The following GPC5 variants were observed in gnomAD, a reference collection of about 807,000 sequenced individuals.
GPC5 encodes glypican-5.
Under a neutral mutation model 53.9 loss-of-function variants are expected in GPC5, and 47 were observed. The ratio of observed to expected loss-of-function variants is 0.87; its 90% CI spans 0.69 to 1.11. The LOEUF (loss-of-function observed/expected upper bound fraction) is 1.11. GPC5 is among the 50% of genes most tolerant of loss of function. The probability of loss-of-function intolerance (pLI) is 0.00; values close to 1 mark genes in which losing one functional copy is unlikely to be tolerated. For missense variants in GPC5, 748 were observed against 713.1 expected, an observed-to-expected ratio of 1.05 and a Z score of -0.56; for synonymous variants, 286 against 263.3, an observed-to-expected ratio of 1.09 and a Z score of -0.84.
chr13:92,537,012 T>C (rs1881747011), intron 7 of GPC5, among the ~76,000 whole-genome samples: 1 of 152,094 alleles, frequency 6.6e-6, no homozygotes, highest in South Asian at 2.1e-4. Flanking sequence ...AGTTGTTAGC[T>C]CTGAAAAGGT....
chr13:92,465,085 G>A (rs948047189), intron 7 of GPC5, among the ~76,000 whole-genome samples: 1 of 151,924 alleles, frequency 6.6e-6, no homozygotes, highest in African/African-American at 2.4e-5. Context: ...TGCAAAATTA[G>A]TTTTCTCCAA....
At chr13:92,467,922 T>C (rs1878762398) in intron 7 of GPC5, among the ~76,000 whole-genome samples, 3 of 152,100 alleles carry the variant, frequency 2.0e-5, no homozygotes, top group South Asian at 4.1e-4. Flanking sequence ...GATTATGAGA[T>C]ATCCAGTAAA....
chr13:92,031,687 AGT>A (rs2040842890), intron 6 of GPC5, among the ~76,000 whole-genome samples: 1 of 82,884 alleles, frequency 1.2e-5, no homozygotes, highest in African/African-American at 5.1e-5. Context: ...ATATATATAT[AGT>A]ATATATAATA....
At chr13:92,336,838 T>C (rs904220878) in intron 7 of GPC5, among the ~76,000 whole-genome samples, 1 of 152,196 alleles carries the variant, frequency 6.6e-6, no homozygotes, top group African/African-American at 2.4e-5. Flanking sequence ...CTGAATCTAA[T>C]TTTTAAAAAA....
At chr13:91,966,088 AAGGT>A (rs577672410) in intron 6 of GPC5, among the ~76,000 whole-genome samples, 2 of 152,184 alleles carry the variant, frequency 1.3e-5, no homozygotes, top group South Asian at 2.1e-4. Flanking sequence ...AGACAACTAA[AAGGT>A]AAATTCCTCA....
At chr13:92,454,666 G>A (rs1208455455) in intron 7 of GPC5, among the ~76,000 whole-genome samples, 1 of 152,142 alleles carries the variant, frequency 6.6e-6, no homozygotes, top group East Asian at 1.9e-4. Flanking sequence ...TCTTGACATG[G>A]TATGCATTTG....
At chr13:91,486,521 A>T (rs1325906214) in intron 2 of GPC5, 1 of 152,224 alleles carries the variant, frequency 6.6e-6, no homozygotes, top group Non-Finnish European at 1.5e-5. Context: ...TGTAAGACTA[A>T]CTTTGATACC....
At position 92,760,069 on chromosome 13, in the gene GPC5, G is replaced by C. The variant is rs181614715; in HGVS notation, c.1562-106213G>C. ...TGCATACCAGGATTAAATGCCACTT[G>C]TTTGTAATGGACAATCTTTTTTATT... On this transcript the variant is annotated intron_variant, in intron 7 of 7. Transcript: ENST00000377067. Among the ~76,000 whole-genome samples the C allele has an allele frequency of 2.0e-5, 3 of 152,164 alleles. No individual in the cohort carries two copies. The East Asian group carries it at 5.8e-4, about 29-fold the overall frequency.
chr13:92,679,284 A>T (rs1887043283), intron 7 of GPC5, among the ~76,000 whole-genome samples: 1 of 152,234 alleles, frequency 6.6e-6, no homozygotes, highest in Non-Finnish European at 1.5e-5. Flanking sequence ...GGATTTGACT[A>T]ACCTGTTGTT....
intron 7 of GPC5, among the ~76,000 whole-genome samples, chr13:92,693,514 G>C (rs1887473502): frequency 6.6e-6 from 1 of 152,150 alleles, no homozygotes; most frequent in Non-Finnish European, 1.5e-5. Context: ...CTTTAGAAAA[G>C]AGACTGGTGA....
At chr13:92,381,997 TCTA>T (rs2043752348) in intron 7 of GPC5, among the ~76,000 whole-genome samples, 1 of 148,992 alleles carries the variant, frequency 6.7e-6, no homozygotes, top group African/African-American at 2.5e-5. Context: ...TATCTATCTA[TCTA>T]TCTATATATC....
At chr13:92,319,721 C>T (rs1372664245) in intron 7 of GPC5, among the ~76,000 whole-genome samples, 1 of 152,094 alleles carries the variant, frequency 6.6e-6, no homozygotes, top group Non-Finnish European at 1.5e-5. Flanking sequence ...ACACATTTGT[C>T]TGTTGTTAGG....
Position 92,798,338 on chromosome 13 carries a change from T to A in GPC5, c.1562-67944T>A, listed in dbSNP as rs9561161. Among the ~76,000 whole-genome samples, 3,842 of 152,046 alleles carry A rather than the reference T, an allele frequency of 0.025. 383 individuals are homozygous for A. The East Asian group carries it at 0.32, about 13-fold the overall frequency. ...CAATGGTGTAAAGGGCAGTTACACT[T>A]ACTGCTGTGTTCATAATCGATACTA... On this transcript the variant is annotated intron_variant, in intron 7 of 7. Coordinates refer to ENST00000377067, the MANE Select transcript of GPC5 (RefSeq NM_004466.6).
intron 7 of GPC5, among the ~76,000 whole-genome samples, chr13:92,818,281 AT>A (rs1363580575): frequency 2.0e-5 from 3 of 152,012 alleles, no homozygotes; most frequent in African/African-American, 7.3e-5. Context: ...AAGTGCTGGC[AT>A]TACAGGCGTG....
intron 7 of GPC5, among the ~76,000 whole-genome samples, chr13:92,414,192 T>C (rs1304245968): frequency 1.3e-5 from 2 of 152,182 alleles, no homozygotes; most frequent in Non-Finnish European, 2.9e-5. Flanking sequence ...AGCAAACTCC[T>C]TATTTCATAA....
chr13:91,650,750 G>GTTTTGTTTTGTTTTTTTTTTTTTTTTTTT (rs1555333961), intron 2 of GPC5, among the ~76,000 whole-genome samples: 2 of 99,642 alleles, frequency 2.0e-5, no homozygotes, highest in African/African-American at 8.1e-5. Flanking sequence ...ATTCCCATAA[G>GTTTTGTTTTGTTTTTTTTTTTTTTTTTTT]TTTTTTTTTT....
intron 7 of GPC5, among the ~76,000 whole-genome samples, chr13:92,737,800 C>T (rs1249308738): frequency 1.1e-5 from 1 of 89,222 alleles, no homozygotes; most frequent in African/African-American, 4.4e-5. Flanking sequence ...GAGTTTCACT[C>T]TTGTTGCCCA....
intron 2 of GPC5, among the ~76,000 whole-genome samples, chr13:91,557,511 T>C (rs1232352840): frequency 1.3e-5 from 2 of 152,124 alleles, no homozygotes; most frequent in Non-Finnish European, 2.9e-5. Flanking sequence ...AGGGCTGATG[T>C]CCAGCCCCAG....
chr13:91,864,121 G>C (rs2039059837), intron 5 of GPC5, among the ~76,000 whole-genome samples: 1 of 152,152 alleles, frequency 6.6e-6, no homozygotes, highest in South Asian at 2.1e-4. Context: ...AATGATAAAA[G>C]GAGATTCTGT....
Sources: gnomAD v4.1 joint callset for allele counts (sites outside exome capture counted in the v4.1 genomes callset) on GRCh38, gnomAD v4.1.1 for gene constraint, MANE v1.5 for transcripts, NCBI Gene and HGNC (gene_info 2026-07-23, HGNC 2026-07-21) for gene names.